SAMD5: variants seen among roughly 807,000 people sequenced by gnomAD.
The protein encoded by SAMD5 is sterile alpha motif domain containing 5.
A neutral mutation model predicts 11.3 loss-of-function variants in SAMD5; 13 were observed. The ratio of observed to expected loss-of-function variants is 1.15; its 90% CI spans 0.75 to 1.83. The LOEUF (loss-of-function observed/expected upper bound fraction) is 1.83, where lower values mean the gene tolerates loss of function less well. Ranked by LOEUF, SAMD5 falls within the 40% of genes most tolerant of loss-of-function variation. The pLI is 0.00. For synonymous variants in SAMD5, 129 were observed against 111.3 expected, an observed-to-expected ratio of 1.16 and a Z score of -1.00; for missense variants, 255 against 239.1, an observed-to-expected ratio of 1.07 and a Z score of -0.44.
At chr6:147,870,945 T>A in the SAMD5 span, among the ~76,000 whole-genome samples, 1 of 152,150 alleles carries the variant, frequency 6.6e-6, no homozygotes, top group Non-Finnish European at 1.5e-5. Context: ...AGTCCACATT[T>A]GTAAAACAGG....
chr6:147,765,880 T>C, the SAMD5 span, among the ~76,000 whole-genome samples: 1 of 152,118 alleles, frequency 6.6e-6, no homozygotes, highest in African/African-American at 2.4e-5. Context: ...ACCTCAGTTG[T>C]AAATGTTAAG....
chr6:147,838,631 C>T, the SAMD5 span, among the ~76,000 whole-genome samples: 3 of 148,240 alleles, frequency 2.0e-5, no homozygotes, highest in South Asian at 6.5e-4. Flanking sequence ...TTAGTTCAGT[C>T]AATCTTACTC....
chr6:147,577,316 G>T (rs560923565), intron 1 of SAMD5, among the ~76,000 whole-genome samples: 25 of 152,226 alleles, frequency 1.6e-4, no homozygotes, highest in Admixed American at 5.2e-4. Context: ...GTTTGTCATT[G>T]CCCCTACCAA....
the SAMD5 span, among the ~76,000 whole-genome samples, chr6:147,902,762 C>T: frequency 6.6e-6 from 1 of 152,176 alleles, no homozygotes; most frequent in East Asian, 1.9e-4. Flanking sequence ...TAAATACTAT[C>T]ATCTTCTTAA....
chr6:147,703,092 G>A (rs1344680448), intron 1 of SAMD5, among the ~76,000 whole-genome samples: 1 of 152,086 alleles, frequency 6.6e-6, no homozygotes, highest in Non-Finnish European at 1.5e-5. Context: ...TTTTGAGAAG[G>A]AGTCTTGCTC....
At chr6:147,695,309 G>T (rs1791159730) in intron 1 of SAMD5, among the ~76,000 whole-genome samples, 1 of 150,412 alleles carries the variant, frequency 6.6e-6, no homozygotes, top group Non-Finnish European at 1.5e-5. Flanking sequence ...TCTGCTTTGA[G>T]TTTCTATGAT....
the SAMD5 span, among the ~76,000 whole-genome samples, chr6:147,897,943 T>TAAAAAAAAAAAA: frequency 5.6e-5 from 5 of 89,604 alleles, no homozygotes; most frequent in South Asian, 4.0e-4. Context: ...AGATTTTTCT[T>TAAAAAAAAAAAA]AAAAAAAAAA....
intron 1 of SAMD5, chr6:147,729,662 G>C (rs894181669): frequency 2.5e-5 from 10 of 401,100 alleles, no homozygotes; most frequent in African/African-American, 4.2e-5. Flanking sequence ...CGCCAAGGGA[G>C]GACTCAAAGA....
chr6:147,808,395 A>G, the SAMD5 span, among the ~76,000 whole-genome samples: 3 of 152,060 alleles, frequency 2.0e-5, no homozygotes, highest in Non-Finnish European at 4.4e-5. Flanking sequence ...GTAGAGATAG[A>G]GTCTCACTAT....
the SAMD5 span, among the ~76,000 whole-genome samples, chr6:147,944,146 G>A: frequency 2.6e-5 from 4 of 152,250 alleles, no homozygotes; most frequent in Non-Finnish European, 4.4e-5. Flanking sequence ...GTCTCTCTCA[G>A]CTTCCTTACT....
intron 1 of SAMD5, among the ~76,000 whole-genome samples, chr6:147,591,153 A>G (rs947676724): frequency 2.7e-5 from 4 of 149,830 alleles, no homozygotes; most frequent in Non-Finnish European, 5.9e-5. Context: ...TATGGGGGAA[A>G]AAAAAAAACC....
At chr6:147,771,482 C>T in the SAMD5 span, among the ~76,000 whole-genome samples, 1 of 152,186 alleles carries the variant, frequency 6.6e-6, no homozygotes, top group African/African-American at 2.4e-5. Flanking sequence ...CACATTCTTC[C>T]TCTGTCTCTT....
chr6:147,539,093 A>G (rs1189354838), intron 1 of SAMD5, among the ~76,000 whole-genome samples: 1 of 152,210 alleles, frequency 6.6e-6, no homozygotes, highest in Non-Finnish European at 1.5e-5. Context: ...CTAGGGCCAA[A>G]GAAGCAGCAA....
the SAMD5 span, among the ~76,000 whole-genome samples, chr6:147,919,258 A>G: frequency 6.6e-6 from 1 of 152,226 alleles, no homozygotes; most frequent in South Asian, 2.1e-4. Context: ...TCAAAAATCT[A>G]GAGACTTCAC....
the SAMD5 span, among the ~76,000 whole-genome samples, chr6:147,810,624 G>T: frequency 2.0e-5 from 3 of 152,188 alleles, no homozygotes; most frequent in Non-Finnish European, 4.4e-5. Flanking sequence ...TTCCTCCTTG[G>T]CCTTTTAAGA....
chr6:147,703,297 C>G (rs993505317), intron 1 of SAMD5, among the ~76,000 whole-genome samples: 2 of 152,168 alleles, frequency 1.3e-5, no homozygotes, highest in Admixed American at 6.5e-5. Flanking sequence ...GTCTCAAACT[C>G]CTGACCTCAG....
At chr6:147,633,195 C>T (rs971656453) in intron 1 of SAMD5, among the ~76,000 whole-genome samples, 1 of 152,172 alleles carries the variant, frequency 6.6e-6, no homozygotes, top group African/African-American at 2.4e-5. Context: ...ACACCAAATA[C>T]AGCATTCCAG....
At chr6:147,733,854 T>A (rs1791754659) in intron 1 of SAMD5, 1 of 409,938 alleles carries the variant, frequency 2.4e-6, no homozygotes, top group Non-Finnish European at 3.3e-6. Context: ...ACTTGGCCTG[T>A]CCCTGCAGCT....
chr6:147,588,158 C>CCT (rs1789401787), intron 1 of SAMD5, among the ~76,000 whole-genome samples: 2 of 150,996 alleles, frequency 1.3e-5, no homozygotes, highest in South Asian at 4.2e-4. Flanking sequence ...CTTAAATCTC[C>CCT]CTCATTCATT....
Sources: gnomAD v4.1 joint callset for allele counts (sites outside exome capture counted in the v4.1 genomes callset) on GRCh38, gnomAD v4.1.1 for gene constraint, MANE v1.5 for transcripts, NCBI Gene and HGNC (gene_info 2026-07-23, HGNC 2026-07-21) for gene names.